Variants in CSMD1 observed in about 807,000 individuals in gnomAD.
CSMD1 encodes the protein CUB and Sushi multiple domains 1.
A neutral mutation model predicts 417.5 loss-of-function variants in CSMD1; 213 were observed. The observed-to-expected ratio is 0.51, with a 90% CI of 0.46 to 0.57. The LOEUF (loss-of-function observed/expected upper bound fraction) is 0.57. Among genes scored for constraint, CSMD1 ranks in the 20% least tolerant of loss-of-function variants. The probability of loss-of-function intolerance (pLI) is 0.00; values close to 1 mark genes in which losing one functional copy is unlikely to be tolerated. For missense variants in CSMD1, 6,923 were observed against 4,529.7 expected (o/e 1.53, Z -15.17); for synonymous variants, 2,862 against 1,736.8 (o/e 1.65, Z -16.11).
At chr8:3,757,668 G>C (rs1041559111) in intron 5 of CSMD1, among the ~76,000 whole-genome samples, 1 of 151,998 alleles carries the variant, frequency 6.6e-6, no homozygotes, top group Admixed American at 6.6e-5. Context: ...TTCAAGACAA[G>C]CATGGCCAAC....
At chr8:4,771,051 CAT>C (rs1484719127) in intron 1 of CSMD1, among the ~76,000 whole-genome samples, 2 of 152,152 alleles carry the variant, frequency 1.3e-5, no homozygotes, top group African/African-American at 4.8e-5. Context: ...ATTTCCAAAC[CAT>C]ATATCAGATA....
chr8:4,460,121 T>C (rs1156932350), intron 2 of CSMD1, among the ~76,000 whole-genome samples: 1 of 152,196 alleles, frequency 6.6e-6, no homozygotes, highest in Non-Finnish European at 1.5e-5. Context: ...GCCACAGAAC[T>C]ACTTTCAGTT....
intron 3 of CSMD1, among the ~76,000 whole-genome samples, chr8:4,403,129 C>G (rs911412573): frequency 2.0e-5 from 3 of 151,928 alleles, no homozygotes; most frequent in African/African-American, 7.3e-5. Flanking sequence ...CTGCCCCCGG[C>G]CAAAATGTCC....
chr8:3,079,828 A>G (rs1813955030), intron 49 of CSMD1, among the ~76,000 whole-genome samples: 1 of 152,014 alleles, frequency 6.6e-6, no homozygotes, highest in Admixed American at 6.6e-5. Context: ...TTCTGGTAAC[A>G]TCATCTGTGA....
intron 2 of CSMD1, among the ~76,000 whole-genome samples, chr8:4,494,966 G>A (rs988325014): frequency 1.3e-5 from 2 of 152,018 alleles, no homozygotes; most frequent in African/African-American, 4.8e-5. Flanking sequence ...GAAAAAAACA[G>A]TGGAGAAAAT....
Position 3,574,957 on chromosome 8 carries a change from G to C in CSMD1, c.1332C>G (p.Thr444=). ...GGCGGAGCCTTACCTTGTCCGGGTC[G>C]GTGGTGGTGATGACCCACACACAGT... is the stretch of plus-strand genomic sequence containing the variant. ...NAHCVWVITT[T]DPDKVIKLAF... The change falls in exon 10 of 70, where the codon ACC becomes ACG. Residue 444 remains threonine (T), a synonymous_variant. Coordinates refer to ENST00000635120, the MANE Select transcript of CSMD1 (RefSeq NM_033225.6). 6.2e-7 allele frequency: 1 copy of C among 1,612,310 alleles called. No individual in the cohort carries two copies. Among genetic ancestry groups the C allele is most frequent in the East Asian group, 2.2e-5 (1 of 44,862 alleles).
At chr8:3,773,343 G>A (rs978964293) in intron 5 of CSMD1, among the ~76,000 whole-genome samples, 2 of 152,140 alleles carry the variant, frequency 1.3e-5, no homozygotes, top group African/African-American at 2.4e-5. Context: ...GAGTGCAGTG[G>A]TGCACTCTCA....
At chr8:3,546,656 A>T (rs1298122174) in intron 10 of CSMD1, among the ~76,000 whole-genome samples, 1 of 152,046 alleles carries the variant, frequency 6.6e-6, no homozygotes, top group South Asian at 2.1e-4. Context: ...AAAAAAAATT[A>T]CTCATCAATG....
At chr8:3,443,257 G>A (rs1035386409) in intron 12 of CSMD1, among the ~76,000 whole-genome samples, 1 of 152,174 alleles carries the variant, frequency 6.6e-6, no homozygotes, top group East Asian at 1.9e-4. Context: ...CTCATCAATA[G>A]ATGGGTTGGA....
At chr8:4,048,395 A>C (rs2554553) in intron 3 of CSMD1, among the ~76,000 whole-genome samples, 137,691 of 152,238 alleles carry the variant, frequency 0.9, 62,453 homozygotes, top group East Asian at 0.99. Flanking sequence ...CTTCCTAGAC[A>C]AACCACTGTG....
chr8:3,477,239 T>A (rs78479848), intron 11 of CSMD1, among the ~76,000 whole-genome samples: 2 of 152,196 alleles, frequency 1.3e-5, no homozygotes, highest in East Asian at 1.9e-4. Flanking sequence ...GGTATGTACC[T>A]GAATTTTAAA....
intron 23 of CSMD1, among the ~76,000 whole-genome samples, chr8:3,319,360 CAA>C (rs1805994749): frequency 6.6e-6 from 1 of 151,938 alleles, no homozygotes; most frequent in African/African-American, 2.4e-5. Context: ...TTGCAATACA[CAA>C]AGAATTTGGT....
At chr8:3,987,438 G>A (rs564270070) in intron 5 of CSMD1, among the ~76,000 whole-genome samples, 1 of 152,168 alleles carries the variant, frequency 6.6e-6, no homozygotes, top group African/African-American at 2.4e-5. Flanking sequence ...TGGTACAGTG[G>A]TAGGTTTCTG....
chr8:4,469,605 G>A (rs1174838936), intron 2 of CSMD1, among the ~76,000 whole-genome samples: 2 of 152,080 alleles, frequency 1.3e-5, no homozygotes, highest in Non-Finnish European at 1.5e-5. Flanking sequence ...CTTTGACTCT[G>A]TGTATTCCTG....
At chr8:3,105,155 C>T (rs1278136487) in intron 46 of CSMD1, among the ~76,000 whole-genome samples, 2 of 152,202 alleles carry the variant, frequency 1.3e-5, no homozygotes, top group African/African-American at 2.4e-5. Context: ...ATTTAATACT[C>T]GGTGAGTCTT....
chr8:3,349,591 T>C (rs887202662), intron 21 of CSMD1, among the ~76,000 whole-genome samples: 3 of 151,854 alleles, frequency 2.0e-5, no homozygotes, highest in African/African-American at 4.8e-5. Context: ...AAAGATGCCA[T>C]TGGGAATTTA....
rs184453613 is a variant in CSMD1, at chr8:4,347,223, T to G, written c.415+72730A>C. 9.2e-4 allele frequency among the ~76,000 whole-genome samples: 140 copies of G among 152,176 alleles called. 1 individual carries two copies. Among genetic ancestry groups the G allele is most frequent in the Non-Finnish European group, 1.7e-3 (118 of 68,016 alleles). On this transcript the variant is annotated intron_variant, in intron 3 of 69. Transcript: ENST00000635120. ...ATCTTGAGTTAGAAATACTTGGAAA[T>G]TACATCATGCTTAAAATGAAACAGA...
chr8:4,692,379 T>C lies in CSMD1; in HGVS notation c.86-54821A>G, dbSNP rs184168081. On this transcript the variant is annotated intron_variant, in intron 1 of 69. Coordinates refer to ENST00000635120, the MANE Select transcript of CSMD1 (RefSeq NM_033225.6). ...AACAAAACGAAACAAAAAACTGAGG[T>C]TCTGCTTCCCAAACACATATCCCGG... is the stretch of plus-strand genomic sequence containing the variant. Among the ~76,000 whole-genome samples the C allele has an allele frequency of 9.1e-4, 139 of 152,212 alleles. 1 individual carries two copies. The highest frequency in any genetic ancestry group is 6.2e-3 in the South Asian group (30 of 4,808).
At position 4,268,865 on chromosome 8, in the gene CSMD1, C is replaced by T. The variant is rs1039140866; in HGVS notation, c.415+151088G>A. On this transcript the variant is annotated intron_variant, in intron 3 of 69. Transcript: ENST00000635120. ...GGAGAGATTTTCATAAAACAAATCC[C>T]TTTCCACATAGAATGTTTATTCATA... Among the ~76,000 whole-genome samples, 3 of 152,124 alleles carry T rather than the reference C, an allele frequency of 2.0e-5. 1 individual carries two copies. Among genetic ancestry groups the T allele is most frequent in the South Asian group, 4.1e-4 (2 of 4,828 alleles).
Sources: gnomAD v4.1 joint callset for allele counts (sites outside exome capture counted in the v4.1 genomes callset) on GRCh38, gnomAD v4.1.1 for gene constraint, MANE v1.5 for transcripts, NCBI Gene and HGNC (gene_info 2026-07-23, HGNC 2026-07-21) for gene names.